Variants in VIPR1 observed in about 807,000 individuals in gnomAD.
VIPR1 encodes vasoactive intestinal polypeptide receptor 1.
A neutral mutation model predicts 58.8 loss-of-function variants in VIPR1; 59 were observed. That is an observed-to-expected ratio of 1.00 (90% confidence interval 0.81 to 1.25). The LOEUF is 1.25. VIPR1 is among the 50% of genes most tolerant of loss of function. VIPR1 has a pLI of 0.00. For missense variants in VIPR1, 626 were observed against 602.7 expected (o/e 1.04, Z -0.40); for synonymous variants, 251 against 242.1 (o/e 1.04, Z -0.34).
At position 42,536,393 on chromosome 3, in the gene VIPR1, G is replaced by GT; in HGVS notation, c.*112_*113insT. On this transcript the variant is annotated 3_prime_UTR_variant, in exon 13 of 13. Coordinates refer to ENST00000325123, the MANE Select transcript of VIPR1 (RefSeq NM_004624.4). ...CGCGGCCAGCCCCGGCCCTGGGCTC[G>GT]GAGGCTGCCCCCGGCCCCCTGGTCT... is the stretch of plus-strand genomic sequence containing the variant. 1 of 1,210,400 alleles carries GT rather than the reference G, an allele frequency of 8.3e-7. No individual in the cohort carries two copies. Among genetic ancestry groups the GT allele is most frequent in the Non-Finnish European group, 1.1e-6 (1 of 905,380 alleles). 75.0% of individuals were successfully genotyped at this position (1,210,400 alleles called of 1,614,324 possible).
At chr3:42,504,161 C>A (rs902188962) in intron 1 of VIPR1, among the ~76,000 whole-genome samples, 3 of 152,176 alleles carry the variant, frequency 2.0e-5, no homozygotes, top group African/African-American at 7.2e-5. Flanking sequence ...CTCCAACCAC[C>A]ATCTGGCCCT....
At chr3:42,523,829 T>A (rs1701087985) in intron 3 of VIPR1, among the ~76,000 whole-genome samples, 1 of 152,196 alleles carries the variant, frequency 6.6e-6, no homozygotes, top group Non-Finnish European at 1.5e-5. Context: ...CTCTTTTTTT[T>A]TTCCCTGAGT....
Position 42,525,926 on chromosome 3 carries a change from C to T in VIPR1, c.332C>T (p.Thr111Met), listed in dbSNP as rs201936099. Residue 111 changes from threonine to methionine, a missense_variant, in exon 4 of 13, where the codon ACG becomes ATG. Physicochemically the swap from Thr to Met is moderately conservative, Grantham distance 81. Coordinates refer to ENST00000325123, the MANE Select transcript of VIPR1 (RefSeq NM_004624.4). ...VSRSCTDEGW[T>M]HLEPGPYPIA... ...CGCAGCTGCACCGACGAAGGCTGGA[C>T]GCACCTGGAGCCTGGCCCGTACCCC... The T allele has an allele frequency of 6.9e-5, 111 of 1,613,536 alleles. No individual in the cohort carries two copies. In the East Asian group the frequency reaches 7.8e-4, roughly 11 times the overall value.
intron 1 of VIPR1, among the ~76,000 whole-genome samples, chr3:42,492,136 C>T (rs2125622716): frequency 6.6e-6 from 1 of 152,232 alleles, no homozygotes; most frequent in South Asian, 2.1e-4. Context: ...CCTCCCCTCT[C>T]ATTTTTTTCT....
At chr3:42,512,971 G>T (rs1577214890) in intron 1 of VIPR1, 1 of 985,146 alleles carries the variant, frequency 1.0e-6, no homozygotes, top group Non-Finnish European at 1.2e-6. Flanking sequence ...CAGTCACACT[G>T]GTCTGGCCCA....
In VIPR1 at chr3:42,496,306, T is replaced by C. The variant is rs1364694305; in HGVS notation, c.-245+6628T>C. Among the ~76,000 whole-genome samples, 2 of 152,256 alleles carry C rather than the reference T, an allele frequency of 1.3e-5. 1 individual carries two copies. The highest frequency in any genetic ancestry group is 4.8e-5 in the African/African-American group (2 of 41,474). On this transcript the variant is annotated intron_variant, in intron 1 of 13. Transcript: ENST00000433647. ...AGAGGTAACTAATAACATGTCTTTG[T>C]GTTTATCATTCCTGGACATGATTTA...
rs547132664 is a variant in VIPR1, at chr3:42,525,988, G to A, written c.394G>A (p.Asp132Asn). ...TTTGGATGACAAGGCAGCGAGTTTGGATGAGGTGGGTCTCAGGGCACCCCC... is the reference window on the plus strand; with the variant it reads ...TTTGGATGACAAGGCAGCGAGTTTGAATGAGGTGGGTCTCAGGGCACCCCC... Reference protein sequence around the residue: ...CGLDDKAASLDEQQTMFYGSV... With the variant: ...CGLDDKAASLNEQQTMFYGSV... Residue 132 changes from aspartate (D) to asparagine (N), a missense_variant, in exon 4 of 13, where the codon GAT becomes AAT. Physicochemically the swap from Asp to Asn is conservative, Grantham distance 23. Transcript: ENST00000325123. 2 of 1,610,950 alleles carry A rather than the reference G, an allele frequency of 1.2e-6. No homozygotes were observed. The highest frequency in any genetic ancestry group is 1.7e-5 in the Admixed American group (1 of 59,650).
chr3:42,531,201 G>A (rs1281949278), intron 7 of VIPR1: 3 of 610,144 alleles, frequency 4.9e-6, no homozygotes, highest in Admixed American at 5.9e-5. Flanking sequence ...GAAATACACA[G>A]GGCCACTGCT....
At chr3:42,495,269 C>T (rs1358263701) in intron 1 of VIPR1, among the ~76,000 whole-genome samples, 1 of 150,956 alleles carries the variant, frequency 6.6e-6, no homozygotes, top group Admixed American at 6.6e-5. Flanking sequence ...CTATAGGCGC[C>T]CACCACCACT....
intron 2 of VIPR1, among the ~76,000 whole-genome samples, chr3:42,515,520 G>A (rs1451414612): frequency 2.6e-5 from 4 of 152,218 alleles, no homozygotes; most frequent in Admixed American, 2.0e-4. Context: ...CACCTCCCAC[G>A]CCTGGGGACA....
chr3:42,490,153 C>G (rs114814292), intron 1 of VIPR1, among the ~76,000 whole-genome samples: 2,146 of 152,230 alleles, frequency 0.014, 24 homozygotes, highest in Non-Finnish European at 0.024. Context: ...TTCCCCACCC[C>G]AATTCCTCCC....
chr3:42,512,934 A>C (rs7640893), intron 1 of VIPR1: 132,298 of 985,162 alleles, frequency 0.13, 9,962 homozygotes, highest in East Asian at 0.36. Context: ...ACCCCCACTC[A>C]CATGTCTTCC....
Position 42,521,124 on chromosome 3 carries a change from C to T in VIPR1, c.292+1794C>T, listed in dbSNP as rs146238950. Among the ~76,000 whole-genome samples the T allele has an allele frequency of 6.5e-4, 99 of 152,324 alleles. 1 individual carries two copies. In the East Asian group the frequency reaches 0.014, roughly 21 times the overall value. On this transcript the variant is annotated intron_variant, in intron 3 of 12. Transcript: ENST00000325123. ...CCCATGGCTCTTCCTTCTGTCCCTG[C>T]TGGAATGTGTCAAGGCAACTCCTGC...
chr3:42,491,701 A>G (rs1253044804), intron 1 of VIPR1, among the ~76,000 whole-genome samples: 1 of 151,944 alleles, frequency 6.6e-6, no homozygotes, highest in Admixed American at 6.6e-5. Flanking sequence ...CAGCCTCCCA[A>G]GTAGCTGGGG....
intron 1 of VIPR1, chr3:42,506,830 C>T (rs1405529497): frequency 3.3e-5 from 5 of 152,120 alleles, no homozygotes; most frequent in Admixed American, 3.3e-4. Flanking sequence ...CGCCTGGCCC[C>T]TTAGAAGTAT....
At chr3:42,493,879 C>T (rs1287485520) in intron 1 of VIPR1, among the ~76,000 whole-genome samples, 1 of 152,202 alleles carries the variant, frequency 6.6e-6, no homozygotes, top group African/African-American at 2.4e-5. Context: ...GGGCCCATCC[C>T]TTTCTGGAAA....
chr3:42,496,599 T>G (rs1699768704), intron 1 of VIPR1, among the ~76,000 whole-genome samples: 1 of 152,194 alleles, frequency 6.6e-6, no homozygotes, highest in South Asian at 2.1e-4. Flanking sequence ...CTACATAACT[T>G]GAGGCTATAG....
chr3:42,527,847 G>A, intron 5 of VIPR1, 144 bp from the exon 6 acceptor site: 1 of 1,225,956 alleles, frequency 8.2e-7, no homozygotes, highest in Non-Finnish European at 1.1e-6. Context: ...TCGTATTTCA[G>A]GATGGGATCC....
chr3:42,536,637 C>A lies in VIPR1; in HGVS notation c.*356C>A. On this transcript the variant is annotated 3_prime_UTR_variant, in exon 13 of 13. Transcript: ENST00000325123. ...GCTCTTCTGCCCAATTGGAGGAAAG[C>A]AACCGGTGGATCCTCAAACAACACT... is the stretch of plus-strand genomic sequence containing the variant. 1 of 205,864 alleles carries A rather than the reference C, an allele frequency of 4.9e-6. No individual in the cohort carries two copies. The highest frequency in any genetic ancestry group is 9.6e-6 in the Non-Finnish European group (1 of 104,050). The allele number at this position is 205,864 out of a possible 1,614,324, so 12.8% of individuals were successfully genotyped here. A position where few individuals can be genotyped will look rare whatever the true frequency, so the allele number is the denominator to read the frequency against.
Sources: gnomAD v4.1 joint callset for allele counts (sites outside exome capture counted in the v4.1 genomes callset) on GRCh38, gnomAD v4.1.1 for gene constraint, MANE v1.5 for transcripts, NCBI Gene and HGNC (gene_info 2026-07-23, HGNC 2026-07-21) for gene names.